Variants in GATAD2A observed in about 807,000 individuals in gnomAD.
GATAD2A encodes the protein GATA zinc finger domain containing 2A, also known as transcriptional repressor p66-alpha.
In GATAD2A, 12 loss-of-function variants were observed where a neutral mutation model predicts 68.5. That is an observed-to-expected ratio of 0.18 (90% confidence interval 0.11 to 0.28). The LOEUF is 0.28. GATAD2A is among the 10% of genes least tolerant of loss of function. GATAD2A has a pLI of 1.00. For missense variants in GATAD2A, 755 were observed against 868.5 expected (o/e 0.87, Z 1.64); for synonymous variants, 410 against 375.3 (o/e 1.09, Z -1.07).
At chr19:19,457,896 A>G (rs1008573899) in intron 1 of GATAD2A, among the ~76,000 whole-genome samples, 15 of 152,052 alleles carry the variant, frequency 9.9e-5, no homozygotes, top group Non-Finnish European at 1.6e-4. Context: ...GTGGGATGAC[A>G]CATGCCCGTC....
intron 8 of GATAD2A, among the ~76,000 whole-genome samples, chr19:19,499,779 C>T (rs973435642): frequency 2.0e-5 from 3 of 152,072 alleles, no homozygotes; most frequent in Admixed American, 6.5e-5. Flanking sequence ...ACTCCCTTGC[C>T]CCTCAGTCGC....
Position 19,505,356 on chromosome 19 carries a change from C to T in GATAD2A, c.1787C>T (p.Ala596Val), listed in dbSNP as rs201273478. Residue 596 changes from alanine to valine, a missense_variant, in exon 12 of 12, where the codon GCG (alanine) becomes GTG (valine). By Grantham distance (64) the Ala-to-Val change is moderately conservative. Transcript: ENST00000683918. ...KTPLSTGGTLAFVSPSLAVHK... is the reference protein window; with the variant it reads ...KTPLSTGGTLVFVSPSLAVHK... ...TGTTCTGTTGCAGGCGGGACCCTTG[C>T]GTTTGTCAGCCCAAGCCTGGCGGTG... The T allele has an allele frequency of 5.6e-6, 9 of 1,613,190 alleles. No homozygotes were observed. Among genetic ancestry groups the T allele is most frequent in the Admixed American group, 1.7e-5 (1 of 59,970 alleles).
chr19:19,471,045 C>T (rs1030731458), intron 2 of GATAD2A, among the ~76,000 whole-genome samples: 17 of 152,102 alleles, frequency 1.1e-4, no homozygotes, highest in Non-Finnish European at 2.1e-4. Context: ...CACCTGAGGT[C>T]AAGAGTTTGA....
chr19:19,422,895 T>G (rs1013494249), intron 1 of GATAD2A, among the ~76,000 whole-genome samples: 7 of 152,050 alleles, frequency 4.6e-5, no homozygotes, highest in Non-Finnish European at 1.0e-4. Context: ...GTATTTTTAG[T>G]AGAGACAGGG....
chr19:19,486,265 C>T lies in GATAD2A; in HGVS notation c.270-6041C>T, dbSNP rs376466703. On this transcript the variant is annotated intron_variant, in intron 2 of 11. Coordinates refer to ENST00000683918, the MANE Select transcript of GATAD2A (RefSeq NM_001384528.1). ...GTTTCAGGTTTGCCATTGCTTCCATCTGGGAGCTGCAAGGCGAAGGCACGG... is the reference window on the plus strand; with the variant it reads ...GTTTCAGGTTTGCCATTGCTTCCATTTGGGAGCTGCAAGGCGAAGGCACGG... Among the ~76,000 whole-genome samples, 70 of 152,382 alleles carry T rather than the reference C, an allele frequency of 4.6e-4. 1 individual carries two copies. Among genetic ancestry groups the T allele is most frequent in the African/African-American group, 1.6e-3 (67 of 41,590 alleles).
intron 1 of GATAD2A, among the ~76,000 whole-genome samples, chr19:19,433,108 A>C (rs1005457941): frequency 2.6e-5 from 4 of 152,190 alleles, no homozygotes; most frequent in Non-Finnish European, 5.9e-5. Context: ...AGAGTGTGAA[A>C]GAAGTTACCT....
intron 2 of GATAD2A, among the ~76,000 whole-genome samples, chr19:19,490,363 G>A (rs757733024): frequency 3.9e-5 from 6 of 152,126 alleles, no homozygotes; most frequent in Non-Finnish European, 8.8e-5. Flanking sequence ...CCCTGAGGAC[G>A]CAGCTCATGG....
At chr19:19,469,588 A>T (rs887618837) in intron 2 of GATAD2A, among the ~76,000 whole-genome samples, 5 of 151,626 alleles carry the variant, frequency 3.3e-5, no homozygotes, top group African/African-American at 1.2e-4. Context: ...CATGTCAATA[A>T]TGCAGTAACT....
chr19:19,387,661 C>T (rs1383686442), intron 1 of GATAD2A, among the ~76,000 whole-genome samples: 1 of 152,104 alleles, frequency 6.6e-6, no homozygotes, highest in Non-Finnish European at 1.5e-5. Context: ...AGGGGGTCCC[C>T]CACTTCTTTG....
At chr19:19,444,872 T>TA (rs10641522) in intron 1 of GATAD2A, among the ~76,000 whole-genome samples, 91,097 of 123,206 alleles carry the variant, frequency 0.74, 33,913 homozygotes, top group South Asian at 0.82. Flanking sequence ...CCTCGTCCCT[T>TA]AAAAAAAAAA....
chr19:19,446,865 G>A (rs1329477322), intron 1 of GATAD2A, among the ~76,000 whole-genome samples: 1 of 152,178 alleles, frequency 6.6e-6, no homozygotes, highest in Non-Finnish European at 1.5e-5. Context: ...TGCCTGGCCA[G>A]GTTTTGTTTG....
chr19:19,453,939 G>GGCATGA (rs1207827070), intron 1 of GATAD2A, among the ~76,000 whole-genome samples: 4 of 151,722 alleles, frequency 2.6e-5, no homozygotes, highest in Non-Finnish European at 1.5e-5. Context: ...TGGGATTACA[G>GGCATGA]GCATGAGCCA....
chr19:19,494,691 G>T (rs1461110899), intron 5 of GATAD2A, among the ~76,000 whole-genome samples: 1 of 152,210 alleles, frequency 6.6e-6, no homozygotes, highest in Non-Finnish European at 1.5e-5. Flanking sequence ...GACTCTTCCG[G>T]CCAGAGAGCC....
chr19:19,405,251 CG>C (rs1568700182), upstream of GATAD2A, among the ~76,000 whole-genome samples: 2 of 152,166 alleles, frequency 1.3e-5, no homozygotes. Flanking sequence ...CCACAGACAC[CG>C]GGGCCGAAGT....
chr19:19,410,842 CCT>C (rs145374741), intron 1 of GATAD2A, among the ~76,000 whole-genome samples: 22 of 152,316 alleles, frequency 1.4e-4, no homozygotes, highest in African/African-American at 4.3e-4. Flanking sequence ...GAACATCACC[CCT>C]GTTTCCCATT....
rs1406726943 is a variant in GATAD2A at position 19,506,006 on chromosome 19, G to A, written c.*532G>A. ...TTTTTTTAATCACCTCATGATGATGGAGTTAAAAGTAAACCGTGCAGACCC... is the reference window on the plus strand; with the variant it reads ...TTTTTTTAATCACCTCATGATGATGAAGTTAAAAGTAAACCGTGCAGACCC... On this transcript the variant is annotated 3_prime_UTR_variant, in exon 12 of 12. Transcript: ENST00000683918. 2.5e-6 allele frequency: 1 copy of A among 398,704 alleles called. No homozygotes were observed. The highest frequency in any genetic ancestry group is 4.4e-6 in the Non-Finnish European group (1 of 226,138). The allele number at this position is 398,704 out of a possible 1,614,324, so 24.7% of individuals were successfully genotyped here. A position where few individuals can be genotyped will look rare whatever the true frequency, so the allele number is the denominator to read the frequency against.
chr19:19,421,836 T>G (rs2052459264), intron 1 of GATAD2A, among the ~76,000 whole-genome samples: 1 of 152,040 alleles, frequency 6.6e-6, no homozygotes, highest in Non-Finnish European at 1.5e-5. Flanking sequence ...TCTTCTTTTT[T>G]GAGACAGAGT....
At chr19:19,415,447 GC>G (rs2147177969) in intron 1 of GATAD2A, among the ~76,000 whole-genome samples, 2 of 149,594 alleles carry the variant, frequency 1.3e-5, no homozygotes, top group African/African-American at 4.9e-5. Context: ...GAGCCACCAC[GC>G]CCAGCCTTTT....
chr19:19,475,023 T>C (rs1438201004), intron 2 of GATAD2A, among the ~76,000 whole-genome samples: 1 of 152,254 alleles, frequency 6.6e-6, no homozygotes, highest in Non-Finnish European at 1.5e-5. Context: ...GCTCGGACAG[T>C]TGCTGGTGCC....
Sources: allele counts gnomAD v4.1 joint callset (sites outside exome capture counted in the v4.1 genomes callset), GRCh38; gene constraint gnomAD v4.1.1; transcripts MANE v1.5; gene names NCBI Gene and HGNC (gene_info 2026-07-23, HGNC 2026-07-21).